The following CRACD variants were observed in gnomAD, a reference collection of about 807,000 sequenced individuals.
The protein encoded by CRACD is capping protein inhibiting regulator of actin dynamics.
CRACD carries 56 observed loss-of-function variants against 106.8 expected under a neutral mutation model. The ratio of observed to expected loss-of-function variants is 0.52; its 90% CI spans 0.42 to 0.66. The LOEUF is 0.66. Among genes scored for constraint, CRACD ranks in the 30% least tolerant of loss-of-function variants. The pLI is 0.00. For synonymous variants in CRACD, 754 were observed against 670.8 expected, an observed-to-expected ratio of 1.12 and a Z score of -1.92; for missense variants, 1,730 against 1,623.2, an observed-to-expected ratio of 1.07 and a Z score of -1.13.
At chr4:56,172,943 A>T (rs1378514666) in intron 1 of CRACD, among the ~76,000 whole-genome samples, 1 of 152,050 alleles carries the variant, frequency 6.6e-6, no homozygotes, top group Non-Finnish European at 1.5e-5. Flanking sequence ...TTTAGTAGAG[A>T]CGAGGTTTCT....
intron 2 of CRACD, among the ~76,000 whole-genome samples, chr4:56,195,762 A>G (rs1303862137): frequency 6.6e-6 from 1 of 152,240 alleles, no homozygotes; most frequent in Non-Finnish European, 1.5e-5. Context: ...TAACACAGGA[A>G]CAATAGAAAA....
At chr4:56,175,680 G>T in intron 1 of CRACD, among the ~76,000 whole-genome samples, 1 of 152,196 alleles carries the variant, frequency 6.6e-6, no homozygotes, top group East Asian at 1.9e-4. Flanking sequence ...TATATATTCT[G>T]GTTATTAATC....
chr4:56,327,882 G>A lies in CRACD; in HGVS notation c.*78G>A. The A allele has an allele frequency of 7.8e-7, 1 of 1,281,246 alleles. No homozygotes were observed. Among genetic ancestry groups the A allele is most frequent in the Non-Finnish European group, 1.1e-6 (1 of 919,680 alleles). 79.4% of individuals were successfully genotyped at this position (1,281,246 alleles called of 1,614,324 possible). On this transcript the variant is annotated 3_prime_UTR_variant, in exon 11 of 11. Transcript: ENST00000682029. ...TTTTATTTATTTATTTTTTATATGG[G>A]GTAAAGAAATCAAGCTAGGGAAAAG...
chr4:56,073,815 C>T (rs941745193), intron 1 of CRACD, among the ~76,000 whole-genome samples: 26 of 152,190 alleles, frequency 1.7e-4, no homozygotes, highest in African/African-American at 6.0e-4. Context: ...CAGGTTCCTT[C>T]TAGGGTTTTT....
chr4:56,088,236 A>G (rs1031170218), intron 1 of CRACD, among the ~76,000 whole-genome samples: 2 of 150,902 alleles, frequency 1.3e-5, no homozygotes, highest in African/African-American at 4.9e-5. Context: ...TGGTGTACAG[A>G]TAATTTTGTC....
At chr4:56,158,904 C>A (rs1315725926) in intron 1 of CRACD, among the ~76,000 whole-genome samples, 3 of 152,244 alleles carry the variant, frequency 2.0e-5, no homozygotes, top group Non-Finnish European at 4.4e-5. Flanking sequence ...TCCCCTGAGC[C>A]TTTGAATGCT....
chr4:56,218,430 C>G (rs1738837346), intron 2 of CRACD, among the ~76,000 whole-genome samples: 1 of 101,244 alleles, frequency 9.9e-6, no homozygotes, highest in Admixed American at 9.1e-5. Flanking sequence ...TCCCTCCCTT[C>G]CCCTCCCTTT....
Position 56,315,497 on chromosome 4 carries a change from C to T in CRACD, c.1995C>T (p.Leu665=), listed in dbSNP as rs1255159236. The T allele has an allele frequency of 1.9e-6, 3 of 1,613,492 alleles. No homozygotes were observed. The highest frequency in any genetic ancestry group is 2.5e-6 in the Non-Finnish European group (3 of 1,179,876). ...RQESPSSASA[L]AEWASIRSRI... is the part of the protein sequence containing the mutation. ...AGTCTCCCAGCAGCGCGTCCGCACT[C>T]GCAGAATGGGCTTCCATTCGGTCCA... Residue 665 remains leucine (L), a synonymous_variant, in exon 8 of 11, where the codon CTC becomes CTT. Coordinates refer to ENST00000682029, the MANE Select transcript of CRACD (RefSeq NM_001393381.1). This position sits in a 1 kb window ranked among gnomAD's most constrained non-coding sequence, Gnocchi z 4.1.
intron 5 of CRACD, 118 bp downstream of exon 5, chr4:56,307,817 G>C (rs932166574): frequency 1.6e-5 from 16 of 1,012,774 alleles, no homozygotes; most frequent in Non-Finnish European, 2.2e-5. Context: ...CTCATGAGTA[G>C]CTCAGGGCTT....
chr4:56,315,610 G>A lies in CRACD; in HGVS notation c.2108G>A (p.Cys703Tyr), dbSNP rs1166805601. ...GATGAGTCCACTCCCAGGGGCCGGT[G>A]TGATTCCCGCGGGAACCAACGGAAG... ...PGDESTPRGR[C>Y]DSRGNQRKTP... Residue 703 changes from cysteine (C) to tyrosine (Y), a missense_variant, in exon 8 of 11, where the codon TGT becomes TAT. Physicochemically the swap from Cys to Tyr is radical, Grantham distance 194 (BLOSUM62 -2). Coordinates refer to ENST00000682029, the MANE Select transcript of CRACD (RefSeq NM_001393381.1). This position sits in a 1 kb window ranked among gnomAD's most constrained non-coding sequence, Gnocchi z 4.1. 6.2e-7 allele frequency: 1 copy of A among 1,614,212 alleles called. No individual in the cohort carries two copies. Among genetic ancestry groups the A allele is most frequent in the East Asian group, 2.2e-5 (1 of 44,860 alleles).
At chr4:56,081,686 G>A (rs1733035993) in intron 1 of CRACD, among the ~76,000 whole-genome samples, 1 of 152,088 alleles carries the variant, frequency 6.6e-6, no homozygotes, top group African/African-American at 2.4e-5. Flanking sequence ...CATAAGATAG[G>A]CCAGGTTGGC....
intron 8 of CRACD, chr4:56,321,175 G>T: frequency 3.7e-6 from 1 of 272,920 alleles, no homozygotes; most frequent in Admixed American, 4.0e-5. Context: ...AGGCAGTTGT[G>T]GAGGATAAAC....
intron 1 of CRACD, among the ~76,000 whole-genome samples, chr4:56,110,129 A>C (rs749675555): frequency 6.6e-6 from 1 of 152,234 alleles, no homozygotes; most frequent in Non-Finnish European, 1.5e-5. Context: ...CCCAAAGTTA[A>C]GAATCAAAAG....
intron 1 of CRACD, among the ~76,000 whole-genome samples, chr4:56,120,456 A>G (rs1734446047): frequency 6.6e-6 from 1 of 152,252 alleles, no homozygotes; most frequent in South Asian, 2.1e-4. Context: ...CTGAGAAAGC[A>G]TGGTTTAATT....
At chr4:56,129,633 C>A (rs753615711) in intron 1 of CRACD, among the ~76,000 whole-genome samples, 1 of 152,080 alleles carries the variant, frequency 6.6e-6, no homozygotes, top group Non-Finnish European at 1.5e-5. Context: ...GGAGGGCACT[C>A]GATGATGCAG....
chr4:56,109,116 C>T (rs1230616396), intron 1 of CRACD, among the ~76,000 whole-genome samples: 4 of 152,242 alleles, frequency 2.6e-5, no homozygotes, highest in African/African-American at 4.8e-5. Flanking sequence ...AAGGAGCCCT[C>T]AAGCGGCCCT....
chr4:56,116,285 A>G (rs1734273820), intron 1 of CRACD, among the ~76,000 whole-genome samples: 3 of 152,174 alleles, frequency 2.0e-5, no homozygotes, highest in African/African-American at 7.2e-5. Context: ...AAAAAAATAA[A>G]TGGAAGAATT....
chr4:56,309,165 C>T (rs1249306633), intron 5 of CRACD: 1 of 369,340 alleles, frequency 2.7e-6, no homozygotes, highest in Non-Finnish European at 5.4e-6. Context: ...GTAGCAGGAC[C>T]CTAGTGGGAG....
At chr4:56,280,382 A>T (rs914561450) in intron 3 of CRACD, among the ~76,000 whole-genome samples, 1 of 151,754 alleles carries the variant, frequency 6.6e-6, no homozygotes, top group Non-Finnish European at 1.5e-5. Context: ...GAATAGCCCC[A>T]TCCCCCATCT....
Sources: allele counts gnomAD v4.1 joint callset (sites outside exome capture counted in the v4.1 genomes callset), GRCh38; gene constraint gnomAD v4.1.1; non-coding constraint Gnocchi (gnomAD v3.1); transcripts MANE v1.5; gene names NCBI Gene and HGNC (gene_info 2026-07-23, HGNC 2026-07-21).